Variants in FRMPD3 observed in about 807,000 individuals in gnomAD.
The protein encoded by FRMPD3 is FERM and PDZ domain containing 3.
Under a neutral mutation model 97.9 loss-of-function variants are expected in FRMPD3, and 42 were observed. The observed-to-expected ratio is 0.43, with a 90% CI of 0.34 to 0.55. The LOEUF is 0.55. Among genes scored for constraint, FRMPD3 ranks in the 20% least tolerant of loss-of-function variants. The pLI is 0.03. For missense variants in FRMPD3, 1,303 were observed against 1,457.7 expected (o/e 0.89, Z 1.73); for synonymous variants, 577 against 581.1 (o/e 0.99, Z 0.10).
intron 13 of FRMPD3, among the ~76,000 whole-genome samples, chrX:107,580,068 GC>G (rs1278189386): frequency 8.9e-6 from 1 of 111,849 alleles, no homozygotes; most frequent in Non-Finnish European, 1.9e-5. Flanking sequence ...ATAGAGCAGG[GC>G]CAAGTACTAG....
chrX:107,583,647 C>A (rs891005244), intron 13 of FRMPD3, among the ~76,000 whole-genome samples: 6 of 111,456 alleles, frequency 5.4e-5, no homozygotes, highest in African/African-American at 1.6e-4. Context: ...GGTTCCAGAT[C>A]CTTGAGGAAT....
rs1181747668 is a variant in FRMPD3, at chrX:107,602,831, A to G, written c.4792A>G (p.Thr1598Ala). ...TGGCTTCCTGGCTGCCCGGCTGGACACCAACGAGCTGCTGACAGTCCTGCG... is the reference window on the plus strand; with the variant it reads ...TGGCTTCCTGGCTGCCCGGCTGGACGCCAACGAGCTGCTGACAGTCCTGCG... ...PDGFLAARLDTNELLTVLRQC... is the reference protein window; with the variant it reads ...PDGFLAARLDANELLTVLRQC... Residue 1598 changes from threonine (T) to alanine (A), a missense_variant, in exon 15 of 15, where the codon ACC (threonine) becomes GCC (alanine). Around this residue, in one of 3 missense-constraint regions of FRMPD3, gnomAD observed 764 missense variants for 820.2 expected, o/e 0.93. Transcript: ENST00000683843. 8.3e-7 allele frequency: 1 copy of G among 1,208,547 alleles called. No homozygotes were observed. Among genetic ancestry groups the G allele is most frequent in the African/African-American group, 1.7e-5 (1 of 57,603 alleles).
At chrX:107,578,983 A>G (rs972362897) in intron 13 of FRMPD3, among the ~76,000 whole-genome samples, 3 of 111,729 alleles carry the variant, frequency 2.7e-5, no homozygotes, top group Non-Finnish European at 5.6e-5. Context: ...TCCGTTCCTG[A>G]TATTGTAGAC....
chrX:107,571,451 G>C (rs1203465386), intron 12 of FRMPD3, among the ~76,000 whole-genome samples: 1 of 112,243 alleles, frequency 8.9e-6, no homozygotes, highest in Non-Finnish European at 1.9e-5. Flanking sequence ...TTTGGCCCAT[G>C]CTGGGGCCAA....
chrX:107,511,406 G>A (rs1331710873), intron 1 of FRMPD3, among the ~76,000 whole-genome samples: 2 of 112,649 alleles, frequency 1.8e-5, no homozygotes, highest in African/African-American at 6.5e-5. Context: ...TCCCCCTGCT[G>A]CTTCTGGAAA....
chrX:107,516,702 C>T (rs1415595500), intron 1 of FRMPD3, among the ~76,000 whole-genome samples: 9 of 110,295 alleles, frequency 8.2e-5, no homozygotes, highest in East Asian at 2.8e-4. Context: ...TCATATCCTT[C>T]GCCCACTTGT....
At chrX:107,478,006 C>T (rs1236942203) in intron 1 of FRMPD3, among the ~76,000 whole-genome samples, 1 of 111,535 alleles carries the variant, frequency 9.0e-6, no homozygotes, top group Non-Finnish European at 1.9e-5. Context: ...TCCAGGAAGC[C>T]TCCTCTGGCT....
intron 1 of FRMPD3, among the ~76,000 whole-genome samples, chrX:107,487,582 A>G (rs1192725909): frequency 9.0e-6 from 1 of 110,779 alleles, no homozygotes; most frequent in Non-Finnish European, 1.9e-5. Context: ...CTTGCCCCCA[A>G]CCCCACCACA....
intron 11 of FRMPD3, among the ~76,000 whole-genome samples, chrX:107,563,428 G>C (rs1325269753): frequency 1.8e-5 from 2 of 111,968 alleles, no homozygotes; most frequent in Non-Finnish European, 3.8e-5. Context: ...CTCGATTTGG[G>C]GGCGCAGCAT....
intron 13 of FRMPD3, among the ~76,000 whole-genome samples, chrX:107,585,796 T>C (rs767838039): frequency 8.9e-6 from 1 of 112,438 alleles, no homozygotes; most frequent in South Asian, 3.7e-4. Context: ...TGAAGCCAAC[T>C]TGATTGTTAT....
intron 1 of FRMPD3, among the ~76,000 whole-genome samples, chrX:107,507,821 C>A (rs1024240814): frequency 8.9e-6 from 1 of 112,339 alleles, no homozygotes; most frequent in East Asian, 2.8e-4. Context: ...CCCAGATCTT[C>A]CTTCTGTTCC....
chrX:107,512,153 G>T (rs982169656), intron 1 of FRMPD3, among the ~76,000 whole-genome samples: 1 of 110,740 alleles, frequency 9.0e-6, no homozygotes, highest in African/African-American at 3.3e-5. Context: ...TCCTCATGCC[G>T]TTTCTGATTT....
Position 107,602,098 on chromosome X carries a change from T to C in FRMPD3, c.4059T>C (p.Arg1353=). ...GCCCCATCAATGTCCAGCGCATTCGTTCTACCAGCCTGGAGTCCCGAGAGT... is the reference window on the plus strand; with the variant it reads ...GCCCCATCAATGTCCAGCGCATTCGCTCTACCAGCCTGGAGTCCCGAGAGT... ...LSSPINVQRI[R]STSLESRECR... The change falls in exon 15 of 15, where the codon CGT becomes CGC. Residue 1353 remains arginine (R), a synonymous_variant. Transcript: ENST00000683843. 2 of 1,208,336 alleles carry C rather than the reference T, an allele frequency of 1.7e-6. No individual in the cohort carries two copies. Among genetic ancestry groups the C allele is most frequent in the Non-Finnish European group, 2.2e-6 (2 of 894,311 alleles).
chrX:107,469,100 C>T (rs752552051), intron 1 of FRMPD3, among the ~76,000 whole-genome samples: 1 of 111,428 alleles, frequency 9.0e-6, no homozygotes, highest in Non-Finnish European at 1.9e-5. Flanking sequence ...TGGTAAGGGT[C>T]ATGAAGAGGA....
intron 12 of FRMPD3, among the ~76,000 whole-genome samples, chrX:107,572,293 G>T: frequency 8.9e-6 from 1 of 111,758 alleles, no homozygotes; most frequent in Non-Finnish European, 1.9e-5. Context: ...ATTTGTAATT[G>T]CTGGAGTATA....
At chrX:107,553,034 G>A in intron 7 of FRMPD3, 108 bp downstream of exon 7, 1 of 874,341 alleles carries the variant, frequency 1.1e-6, no homozygotes, top group Non-Finnish European at 1.6e-6. Context: ...CCGGTTCCCA[G>A]AAGTCACAGT....
chrX:107,493,397 TG>T (rs1921707273), intron 1 of FRMPD3, among the ~76,000 whole-genome samples: 1 of 111,071 alleles, frequency 9.0e-6, no homozygotes, highest in South Asian at 3.8e-4. Flanking sequence ...GTCTGTTCTC[TG>T]GTCTGGATTA....
chrX:107,550,877 GC>G (rs1245153247), intron 6 of FRMPD3, among the ~76,000 whole-genome samples: 2 of 111,906 alleles, frequency 1.8e-5, no homozygotes, highest in African/African-American at 6.5e-5. Context: ...TGCAACTAAT[GC>G]CGCCCAAACT....
intron 10 of FRMPD3, among the ~76,000 whole-genome samples, chrX:107,561,077 C>T (rs1922344070): frequency 8.9e-6 from 1 of 112,263 alleles, no homozygotes; most frequent in African/African-American, 3.2e-5. Context: ...TGAGAGAGCT[C>T]AGGGTCCTCA....
Sources: gnomAD v4.1 joint callset for allele counts (sites outside exome capture counted in the v4.1 genomes callset) on GRCh38, gnomAD v4.1.1 for gene constraint, gnomAD v4.1.1 regional missense constraint, MANE v1.5 for transcripts, NCBI Gene and HGNC (gene_info 2026-07-23, HGNC 2026-07-21) for gene names.